CDH19: variants seen among roughly 807,000 people sequenced by gnomAD.
CDH19 encodes the protein cadherin 19.
In CDH19, 67 loss-of-function variants were observed where a neutral mutation model predicts 64.2. The observed-to-expected ratio is 1.04, with a 90% CI of 0.86 to 1.28. The LOEUF (loss-of-function observed/expected upper bound fraction) is 1.28, where lower values mean the gene tolerates loss of function less well. Ranked by LOEUF, CDH19 falls within the 50% of genes most tolerant of loss-of-function variation. CDH19 has a pLI of 0.00. For missense variants in CDH19, 1,030 were observed against 929.0 expected (o/e 1.11, Z -1.41); for synonymous variants, 346 against 319.3 (o/e 1.08, Z -0.89).
chr18:66,576,046 A>G (rs1417377848), intron 1 of CDH19, among the ~76,000 whole-genome samples: 1 of 151,716 alleles, frequency 6.6e-6, no homozygotes, highest in East Asian at 1.9e-4. Flanking sequence ...CTACTAAAAT[A>G]AAATAACAGA....
Position 66,563,133 on chromosome 18 carries a change from T to A in CDH19, c.490+5283A>T, listed in dbSNP as rs1271517992. 2.6e-5 allele frequency among the ~76,000 whole-genome samples: 4 copies of A among 152,162 alleles called. No individual in the cohort carries two copies. The East Asian group carries it at 5.8e-4, about 22-fold the overall frequency. Reference sequence around the variant, plus strand: ...AAGTGAAAAATTTTCCTATGCAGACTAATTTAGATATTATGTAAGCAATAG... The same window carrying A: ...AAGTGAAAAATTTTCCTATGCAGACAAATTTAGATATTATGTAAGCAATAG... On this transcript the variant is annotated intron_variant, in intron 3 of 11. Coordinates refer to ENST00000262150, the MANE Select transcript of CDH19 (RefSeq NM_021153.4).
At chr18:66,510,583 AAATAATAATAATAATAATAAT>A (rs58115682) in intron 10 of CDH19, among the ~76,000 whole-genome samples, 95 of 139,354 alleles carry the variant, frequency 6.8e-4, no homozygotes, top group African/African-American at 2.3e-3. Context: ...AGTCTGCAAC[AAATAATAATAATAATAATAAT>A]AATAATAATA....
At chr18:66,513,860 A>G (rs560464731) in intron 9 of CDH19, among the ~76,000 whole-genome samples, 13 of 151,536 alleles carry the variant, frequency 8.6e-5, no homozygotes, top group African/African-American at 2.9e-4. Context: ...GATTTTTAGT[A>G]TTCTTTTTGC....
At chr18:66,533,385 C>T (rs1432765631) in intron 8 of CDH19, among the ~76,000 whole-genome samples, 1 of 151,724 alleles carries the variant, frequency 6.6e-6, no homozygotes, top group Non-Finnish European at 1.5e-5. Flanking sequence ...AGAAATTAAC[C>T]AGAAAATTTA....
At position 66,544,728 on chromosome 18, in the gene CDH19, T is replaced by C; in HGVS notation, c.951A>G (p.Ile317Met). The part of the protein sequence containing the change: ...TNHETQEGIV[I>M]LKKKVDFEHQ... ...ATTTTAACATGTCTACCTTTTTTAA[T>C]ATAACTATTCCTTCTTGAGTTTCAT... Residue 317 changes from isoleucine (I) to methionine (M), a missense_variant, in exon 6 of 12, where the codon ATA becomes ATG. Physicochemically the swap from Ile to Met is conservative, Grantham distance 10. Coordinates refer to ENST00000262150, the MANE Select transcript of CDH19 (RefSeq NM_021153.4). 2 of 1,598,658 alleles carry C rather than the reference T, an allele frequency of 1.3e-6. No individual in the cohort carries two copies. The highest frequency in any genetic ancestry group is 2.2e-5 in the East Asian group (1 of 44,608).
At chr18:66,573,226 T>A (rs1485777607) in intron 1 of CDH19, among the ~76,000 whole-genome samples, 1 of 151,660 alleles carries the variant, frequency 6.6e-6, no homozygotes, top group Non-Finnish European at 1.5e-5. Flanking sequence ...TTTGTAAGAT[T>A]CACAATGGAG....
intron 7 of CDH19, among the ~76,000 whole-genome samples, chr18:66,538,501 G>C (rs1986761976): frequency 1.3e-5 from 2 of 151,596 alleles, no homozygotes; most frequent in Admixed American, 6.6e-5. Flanking sequence ...GTTTATTTTT[G>C]TTTGTTCATT....
Position 66,504,826 on chromosome 18 carries a change from G to C in CDH19, c.2305C>G (p.Gln769Glu). The C allele has an allele frequency of 6.3e-7, 1 of 1,599,754 alleles. No individual in the cohort carries two copies. Among genetic ancestry groups the C allele is most frequent in the Non-Finnish European group, 8.6e-7 (1 of 1,169,010 alleles). ...GGTAAAAAGCCCTAATTATTTGACT[G>C]CACTGCAGAACCAAACATGCATGCT... ...RLACMFGSAVQSNN is the reference protein window; with the variant it reads ...RLACMFGSAVESNN Residue 769 changes from glutamine to glutamate, a missense_variant, in exon 12 of 12, where the codon CAG (glutamine) becomes GAG (glutamate). Transcript: ENST00000262150.
At chr18:66,577,613 T>C (rs1400643757) in intron 1 of CDH19, among the ~76,000 whole-genome samples, 2 of 151,932 alleles carry the variant, frequency 1.3e-5, no homozygotes, top group South Asian at 2.1e-4. Context: ...TTGGCAAAGA[T>C]TTCTTACAAC....
At chr18:66,589,012 T>C (rs550597891) in intron 1 of CDH19, among the ~76,000 whole-genome samples, 2 of 151,602 alleles carry the variant, frequency 1.3e-5, no homozygotes, top group African/African-American at 4.8e-5. Flanking sequence ...TCTTTAAAGG[T>C]TGATGAATAA....
intron 9 of CDH19, among the ~76,000 whole-genome samples, chr18:66,520,078 G>A (rs1304782098): frequency 6.6e-6 from 1 of 151,982 alleles, no homozygotes; most frequent in Non-Finnish European, 1.5e-5. Flanking sequence ...CCAGCTACTC[G>A]GGAGGCTGAG....
At chr18:66,585,351 G>A (rs1988545776) in intron 1 of CDH19, among the ~76,000 whole-genome samples, 1 of 152,046 alleles carries the variant, frequency 6.6e-6, no homozygotes, top group Admixed American at 6.6e-5. Context: ...GAGATGGAAT[G>A]TTCTAAAGAC....
chr18:66,565,729 C>T (rs1473068514), intron 3 of CDH19, among the ~76,000 whole-genome samples: 2 of 151,914 alleles, frequency 1.3e-5, no homozygotes, highest in African/African-American at 2.4e-5. Flanking sequence ...AGAAGGAAAC[C>T]GTTGCTAGAA....
intron 1 of CDH19, among the ~76,000 whole-genome samples, chr18:66,597,450 A>G (rs1475967485): frequency 6.6e-6 from 1 of 152,124 alleles, no homozygotes; most frequent in Non-Finnish European, 1.5e-5. Context: ...ATATAAAAAA[A>G]TCAGTACAGA....
At chr18:66,588,979 A>C (rs952870541) in intron 1 of CDH19, among the ~76,000 whole-genome samples, 1 of 151,866 alleles carries the variant, frequency 6.6e-6, no homozygotes, top group African/African-American at 2.4e-5. Flanking sequence ...CACAAGAAAA[A>C]ATTTAAAAAG....
At chr18:66,545,452 C>T (rs77224735) in intron 5 of CDH19, among the ~76,000 whole-genome samples, 2,477 of 150,586 alleles carry the variant, frequency 0.016, 19 homozygotes, top group Middle Eastern at 0.031. Flanking sequence ...CATATATAGT[C>T]TCTTTCCCTT....
intron 3 of CDH19, among the ~76,000 whole-genome samples, chr18:66,560,928 CAAA>C (rs997262747): frequency 6.6e-6 from 1 of 151,932 alleles, no homozygotes; most frequent in Non-Finnish European, 1.5e-5. Flanking sequence ...GTATTTCTAA[CAAA>C]AGACAAATAA....
chr18:66,503,230 G>T lies in CDH19; in HGVS notation c.*1582C>A, dbSNP rs1985024142. ...TTAAAAGGTCGATTAAAATTAAAGT[G>T]TTTTATTATCTTGTTATCTAATGTT... On this transcript the variant is annotated 3_prime_UTR_variant, in exon 12 of 12. Coordinates refer to ENST00000262150, the MANE Select transcript of CDH19 (RefSeq NM_021153.4). 1 of 151,752 alleles carries T rather than the reference G, an allele frequency of 6.6e-6. No homozygotes were observed. The highest frequency in any genetic ancestry group is 1.5e-5 in the Non-Finnish European group (1 of 67,796). 9.4% of individuals were successfully genotyped at this position (151,752 alleles called of 1,614,324 possible).
intron 8 of CDH19, chr18:66,532,338 CTTTAG>C (rs1438464020): frequency 1.3e-5 from 2 of 153,458 alleles, no homozygotes; most frequent in Non-Finnish European, 2.9e-5. Context: ...GAGTGGGATT[CTTTAG>C]TTTGTTTTAG....
Sources: gnomAD v4.1 joint callset for allele counts (sites outside exome capture counted in the v4.1 genomes callset) on GRCh38, gnomAD v4.1.1 for gene constraint, MANE v1.5 for transcripts, NCBI Gene and HGNC (gene_info 2026-07-23, HGNC 2026-07-21) for gene names.